The following AGBL1 variants were observed in gnomAD, a reference collection of about 807,000 sequenced individuals.
The protein encoded by AGBL1 is cytosolic carboxypeptidase 4.
In AGBL1, 130 loss-of-function variants were observed where a neutral mutation model predicts 118.9. The observed-to-expected ratio is 1.09, with a 90% CI of 0.95 to 1.26. The LOEUF (loss-of-function observed/expected upper bound fraction) is 1.26. AGBL1 is among the 50% of genes most tolerant of loss of function. AGBL1 has a pLI of 0.00. For synonymous variants in AGBL1, 555 were observed against 478.9 expected (o/e 1.16, Z -2.08); for missense variants, 1,584 against 1,298.1 (o/e 1.22, Z -3.38).
intron 21 of AGBL1, among the ~76,000 whole-genome samples, chr15:86,579,577 A>G (rs979747946): frequency 6.6e-6 from 1 of 152,190 alleles, no homozygotes; most frequent in Non-Finnish European, 1.5e-5. Flanking sequence ...TTGTAGCAGA[A>G]GTAAGCAATG....
At chr15:86,424,704 A>G (rs982993512) in intron 18 of AGBL1, among the ~76,000 whole-genome samples, 3 of 152,226 alleles carry the variant, frequency 2.0e-5, no homozygotes, top group Non-Finnish European at 4.4e-5. Context: ...GAAAAAACCA[A>G]CAACCCCATC....
chr15:86,202,098 G>A (rs2141858926), intron 5 of AGBL1, among the ~76,000 whole-genome samples: 1 of 152,248 alleles, frequency 6.6e-6, no homozygotes, highest in East Asian at 1.9e-4. Flanking sequence ...TTCGACACCA[G>A]CCTGGCCAAC....
chr15:86,596,079 G>C (rs2084401255), intron 21 of AGBL1, among the ~76,000 whole-genome samples: 1 of 152,050 alleles, frequency 6.6e-6, no homozygotes, highest in Admixed American at 6.6e-5. Context: ...CAGGAGAATT[G>C]CTTGAGCCTA....
chr15:86,751,752 T>C (rs1336573785), intron 22 of AGBL1, among the ~76,000 whole-genome samples: 6 of 152,158 alleles, frequency 3.9e-5, no homozygotes, highest in Non-Finnish European at 7.4e-5. Flanking sequence ...TGCATATTTT[T>C]GGTCTGCTTA....
chr15:86,512,013 T>G (rs1398640812), intron 18 of AGBL1, among the ~76,000 whole-genome samples: 1 of 151,976 alleles, frequency 6.6e-6, no homozygotes, highest in African/African-American at 2.4e-5. Flanking sequence ...TTGAGCACAG[T>G]TTAGGACATT....
chr15:87,012,795 C>A (rs2081574427), intron 24 of AGBL1, among the ~76,000 whole-genome samples: 1 of 151,928 alleles, frequency 6.6e-6, no homozygotes, highest in Non-Finnish European at 1.5e-5. Context: ...ATTAAATACC[C>A]CTCGAAATCC....
intron 22 of AGBL1, among the ~76,000 whole-genome samples, chr15:86,795,209 A>G (rs1021361499): frequency 6.6e-6 from 1 of 152,184 alleles, no homozygotes; most frequent in South Asian, 2.1e-4. Flanking sequence ...TCCATTGACT[A>G]TCTGCTCTTG....
intron 6 of AGBL1, among the ~76,000 whole-genome samples, chr15:86,232,766 T>C (rs2078477010): frequency 6.6e-6 from 1 of 152,204 alleles, no homozygotes; most frequent in Non-Finnish European, 1.5e-5. Flanking sequence ...GTTATCTTCC[T>C]TGCCTGGTCA....
chr15:86,990,962 G>A (rs528226829), intron 24 of AGBL1, among the ~76,000 whole-genome samples: 2 of 152,320 alleles, frequency 1.3e-5, no homozygotes, highest in East Asian at 3.9e-4. Flanking sequence ...CACTCTGGCT[G>A]TGGATACAAG....
intron 22 of AGBL1, among the ~76,000 whole-genome samples, chr15:86,687,175 G>C (rs1041955434): frequency 3.1e-4 from 47 of 152,216 alleles, no homozygotes; most frequent in African/African-American, 1.1e-3. Flanking sequence ...AGAACTCTGT[G>C]GCCAGTTTAC....
At chr15:86,249,846 A>G (rs199527894) in intron 7 of AGBL1, among the ~76,000 whole-genome samples, 1 of 152,260 alleles carries the variant, frequency 6.6e-6, no homozygotes, top group East Asian at 1.9e-4. Context: ...GGTGGTGGAG[A>G]AAACACCAAA....
At chr15:86,313,928 C>T (rs923968006) in intron 17 of AGBL1, among the ~76,000 whole-genome samples, 1 of 152,096 alleles carries the variant, frequency 6.6e-6, no homozygotes, top group African/African-American at 2.4e-5. Context: ...AGAGCTGAGG[C>T]TCAAATAATT....
chr15:86,683,934 T>G (rs1194403751), intron 22 of AGBL1, among the ~76,000 whole-genome samples: 5 of 152,192 alleles, frequency 3.3e-5, no homozygotes, highest in Admixed American at 1.3e-4. Flanking sequence ...TCTATCTAAT[T>G]CTTATTTCTT....
At chr15:87,029,281 C>G (rs528056081), downstream of AGBL1, among the ~76,000 whole-genome samples, 1 of 151,846 alleles carries the variant, frequency 6.6e-6, no homozygotes, top group Non-Finnish European at 1.5e-5. Context: ...GGCTCAATAT[C>G]CTTTATGTAA....
At chr15:86,536,861 G>T (rs1458341394) in intron 19 of AGBL1, among the ~76,000 whole-genome samples, 2 of 152,156 alleles carry the variant, frequency 1.3e-5, no homozygotes, top group Non-Finnish European at 2.9e-5. Flanking sequence ...TTGCCATAAG[G>T]CTGCTCTCCG....
chr15:86,372,201 T>C (rs1205770494), intron 17 of AGBL1, among the ~76,000 whole-genome samples: 1 of 152,236 alleles, frequency 6.6e-6, no homozygotes, highest in Non-Finnish European at 1.5e-5. Flanking sequence ...TTCCAGGATT[T>C]GGAATGAGAA....
intron 22 of AGBL1, among the ~76,000 whole-genome samples, chr15:86,773,028 G>C (rs2078203964): frequency 6.6e-6 from 1 of 152,030 alleles, no homozygotes; most frequent in Non-Finnish European, 1.5e-5. Flanking sequence ...ACTGTGGTTT[G>C]GGGTTAGATT....
intron 18 of AGBL1, among the ~76,000 whole-genome samples, chr15:86,468,207 A>C (rs2082431382): frequency 6.6e-6 from 1 of 152,170 alleles, no homozygotes; most frequent in African/African-American, 2.4e-5. Flanking sequence ...TCTCCGCAAG[A>C]AGAAAGCATT....
chr15:86,604,893 T>A (rs2084551692), intron 21 of AGBL1, among the ~76,000 whole-genome samples: 4 of 151,750 alleles, frequency 2.6e-5, no homozygotes, highest in Admixed American at 2.6e-4. Flanking sequence ...CCTCCTGGGT[T>A]CAAACAATTC....
Sources: gnomAD v4.1 joint callset for allele counts (sites outside exome capture counted in the v4.1 genomes callset) on GRCh38, gnomAD v4.1.1 for gene constraint, MANE v1.5 for transcripts, NCBI Gene and HGNC (gene_info 2026-07-23, HGNC 2026-07-21) for gene names.